PUDP: variants seen among roughly 807,000 people sequenced by gnomAD.
The protein encoded by PUDP is pseudouridine-5'-phosphatase.
A neutral mutation model predicts 9.4 loss-of-function variants in PUDP; 8 were observed. That is an observed-to-expected ratio of 0.85 (90% CI 0.50 to 1.53). The LOEUF (loss-of-function observed/expected upper bound fraction) is 1.53, where lower values mean the gene tolerates loss of function less well. Among genes scored for constraint, PUDP ranks in the 40% most tolerant of loss-of-function variants. The pLI, the probability that PUDP is intolerant of heterozygous loss-of-function variation, is 0.00. For synonymous variants in PUDP, 99 were observed against 80.7 expected, an observed-to-expected ratio of 1.23 and a Z score of -1.22; for missense variants, 188 against 189.7, an observed-to-expected ratio of 0.99 and a Z score of 0.05.
chrX:6,851,524 G>C (rs185671928), intron 3 of PUDP, among the ~76,000 whole-genome samples: 1 of 111,059 alleles, frequency 9.0e-6, no homozygotes, highest in Non-Finnish European at 1.9e-5. Flanking sequence ...AGGGAGCGAG[G>C]AATTAGATGC....
chrX:7,133,634 C>T (rs1008393625), intron 1 of PUDP, among the ~76,000 whole-genome samples: 3 of 111,355 alleles, frequency 2.7e-5, no homozygotes, highest in South Asian at 3.8e-4. Context: ...GGAGTGAGTT[C>T]GGCAAACACA....
intron 3 of PUDP, among the ~76,000 whole-genome samples, chrX:6,788,451 C>G (rs1416536437): frequency 8.9e-6 from 1 of 111,847 alleles, no homozygotes; most frequent in Non-Finnish European, 1.9e-5. Context: ...ACCTACAATC[C>G]CAGTACTTCC....
chrX:6,968,893 T>C (rs1304624598), intron 3 of PUDP, among the ~76,000 whole-genome samples: 2 of 112,279 alleles, frequency 1.8e-5, no homozygotes, highest in East Asian at 2.8e-4. Flanking sequence ...GTGCTGGGTT[T>C]ACAGGCGTGA....
At chrX:6,759,043 G>A (rs1925200540) in intron 3 of PUDP, among the ~76,000 whole-genome samples, 1 of 111,980 alleles carries the variant, frequency 8.9e-6, no homozygotes, top group African/African-American at 3.2e-5. Context: ...CAGATCCTAT[G>A]AAATGACAGC....
At chrX:7,001,398 C>G (rs1929322840) in intron 1 of PUDP, among the ~76,000 whole-genome samples, 1 of 110,851 alleles carries the variant, frequency 9.0e-6, no homozygotes, top group African/African-American at 3.3e-5. Context: ...TAATTTCAGT[C>G]AAATGCCAAG....
chrX:6,731,160 TC>T (rs1373354277), intron 3 of PUDP, among the ~76,000 whole-genome samples: 2 of 112,209 alleles, frequency 1.8e-5, no homozygotes, highest in African/African-American at 6.5e-5. Flanking sequence ...GCCTTGAACT[TC>T]CTGGGCTCAA....
At chrX:7,053,337 C>T (rs1930153688) in intron 3 of PUDP, among the ~76,000 whole-genome samples, 1 of 111,525 alleles carries the variant, frequency 9.0e-6, no homozygotes, top group South Asian at 3.8e-4. Flanking sequence ...ACCCAATACA[C>T]CTGCACTCAC....
chrX:6,825,339 T>C (rs1018778400), intron 3 of PUDP, among the ~76,000 whole-genome samples: 6 of 110,879 alleles, frequency 5.4e-5, no homozygotes, highest in African/African-American at 2.0e-4. Flanking sequence ...CGAGGAGAAT[T>C]GGGGCAGAAA....
intron 3 of PUDP, among the ~76,000 whole-genome samples, chrX:6,925,041 A>T (rs772336062): frequency 8.9e-6 from 1 of 112,306 alleles, no homozygotes; most frequent in African/African-American, 3.2e-5. Flanking sequence ...AAGGCCGGGC[A>T]TGGTGGCTCA....
intron 1 of PUDP, among the ~76,000 whole-genome samples, chrX:7,034,805 T>C (rs1365113901): frequency 2.7e-5 from 3 of 111,783 alleles, no homozygotes; most frequent in Non-Finnish European, 5.6e-5. Context: ...AAATGCAAAA[T>C]GAAACAGCTC....
At chrX:6,899,232 A>G (rs780610776) in intron 3 of PUDP, among the ~76,000 whole-genome samples, 2 of 112,876 alleles carry the variant, frequency 1.8e-5, no homozygotes, top group South Asian at 7.3e-4. Context: ...CTTACTGGCC[A>G]CTTCAAGTCT....
intron 3 of PUDP, among the ~76,000 whole-genome samples, chrX:6,734,659 G>A (rs1924852578): frequency 9.0e-6 from 1 of 111,631 alleles, no homozygotes; most frequent in Admixed American, 9.5e-5. Context: ...CTACTCAGCA[G>A]GCTGAGGTGG....
At chrX:7,075,916 A>G (rs953481122) in intron 3 of PUDP, among the ~76,000 whole-genome samples, 1 of 111,424 alleles carries the variant, frequency 9.0e-6, no homozygotes, top group African/African-American at 3.3e-5. Flanking sequence ...TTTGTAGCCA[A>G]TCAGAAGTAC....
intron 3 of PUDP, among the ~76,000 whole-genome samples, chrX:6,947,093 T>C (rs1235378331): frequency 9.2e-6 from 1 of 108,668 alleles, no homozygotes; most frequent in African/African-American, 3.3e-5. Context: ...CTCCGCCTCC[T>C]GGGTTCGAGT....
chrX:6,886,662 G>A (rs966502336), intron 3 of PUDP, among the ~76,000 whole-genome samples: 3 of 111,427 alleles, frequency 2.7e-5, no homozygotes, highest in African/African-American at 6.5e-5. Context: ...TGTGGAGATA[G>A]AGAGAGCAGC....
At chrX:6,754,910 T>C (rs926341444) in intron 3 of PUDP, among the ~76,000 whole-genome samples, 2 of 111,510 alleles carry the variant, frequency 1.8e-5, no homozygotes, top group African/African-American at 6.5e-5. Context: ...AATTCTTGGC[T>C]CAGTTCATCC....
intron 1 of PUDP, among the ~76,000 whole-genome samples, chrX:6,712,462 T>A (rs748477758): frequency 1.8e-5 from 2 of 112,013 alleles, no homozygotes; most frequent in South Asian, 7.5e-4. Flanking sequence ...TGAGCCAAAT[T>A]CTAGTGGGAA....
chrX:7,042,913 T>C, intron 1 of PUDP, among the ~76,000 whole-genome samples: 1 of 111,683 alleles, frequency 9.0e-6, no homozygotes, highest in Non-Finnish European at 1.9e-5. Flanking sequence ...AGTGGTTTCA[T>C]ATGTCTCCCC....
intron 1 of PUDP, among the ~76,000 whole-genome samples, chrX:7,106,830 T>C (rs59625152): frequency 0.33 from 36,797 of 110,126 alleles, 4,695 homozygotes; most frequent in Middle Eastern, 0.48. Context: ...ACTGACCTGC[T>C]AGGAGGCATT....
Sources: allele counts gnomAD v4.1 joint callset (sites outside exome capture counted in the v4.1 genomes callset), GRCh38; gene constraint gnomAD v4.1.1; transcripts MANE v1.5; gene names NCBI Gene and HGNC (gene_info 2026-07-23, HGNC 2026-07-21).